Variants in ACSBG2 observed in about 807,000 individuals in gnomAD.
The protein encoded by ACSBG2 is long-chain-fatty-acid--CoA ligase ACSBG2.
In ACSBG2, 62 loss-of-function variants were observed where a neutral mutation model predicts 74.7. That is an observed-to-expected ratio of 0.83 (90% confidence interval 0.68 to 1.03). The LOEUF (loss-of-function observed/expected upper bound fraction) is 1.03, where lower values mean the gene tolerates loss of function less well. Ranked by LOEUF, ACSBG2 falls within the 50% of genes least tolerant of loss-of-function variation. The pLI is 0.00. For synonymous variants in ACSBG2, 309 were observed against 294.1 expected, an observed-to-expected ratio of 1.05 and a Z score of -0.52; for missense variants, 730 against 817.6, an observed-to-expected ratio of 0.89 and a Z score of 1.31.
In ACSBG2 at chr19:6,166,093, T is replaced by C. The variant is rs1489760550; in HGVS notation, c.738+78T>C. ...GTTGGCTTCCAGGGGCAGGGTGGCA[T>C]TCCAGGGTCTAGTACGCAGTGTGGC... On this transcript the variant is annotated intron_variant, in intron 7 of 14. Coordinates refer to ENST00000588485, the MANE Select transcript of ACSBG2 (RefSeq NM_030924.5). 4 of 1,575,298 alleles carry C rather than the reference T, an allele frequency of 2.5e-6. No individual in the cohort carries two copies. The African/African-American group carries it at 5.4e-5, about 21-fold the overall frequency.
rs2090115682 is a variant in ACSBG2 at position 6,177,374 on chromosome 19, T to G, written c.884T>G (p.Phe295Cys). 2 of 1,604,002 alleles carry G rather than the reference T, an allele frequency of 1.2e-6. No individual in the cohort carries two copies. Among genetic ancestry groups the G allele is most frequent in the East Asian group, 4.5e-5 (2 of 44,482 alleles). Residue 295 changes from phenylalanine to cysteine, a missense_variant, in exon 8 of 15, where the codon TTT becomes TGT. Coordinates refer to ENST00000588485, the MANE Select transcript of ACSBG2 (RefSeq NM_030924.5). ...ATAAAGATTGGGGCGCTCACATACT[T>G]TGCTCAAGCAGATGCTCTCAAGGTA... ...VPIKIGALTY[F>C]AQADALKGTL...
chr19:6,147,672 C>G lies in ACSBG2; in HGVS notation c.294C>G (p.Ile98Met), dbSNP rs764765337. 6.2e-7 allele frequency: 1 copy of G among 1,611,910 alleles called. No homozygotes were observed. The highest frequency in any genetic ancestry group is 1.1e-5 in the South Asian group (1 of 91,022). Residue 98 changes from isoleucine to methionine, a missense_variant, in exon 3 of 15, where the codon ATC (isoleucine) becomes ATG (methionine). Transcript: ENST00000588485. ...EACRKAAKSL[I>M]KLGLERFHGV... The stretch of plus-strand genomic sequence containing the variant: ...GTCGGAAGGCTGCAAAATCCTTGAT[C>G]AAGGTAAGATTCATTCATTCATTCT...
intron 2 of ACSBG2, 128 bp downstream of exon 2, chr19:6,141,738 C>G (rs2088844909): frequency 1.5e-6 from 1 of 667,458 alleles, no homozygotes; most frequent in Non-Finnish European, 2.6e-6. Flanking sequence ...CCCGACCCCC[C>G]ACCCTTTTGT....
At chr19:6,164,729 G>A (rs777976411) in intron 6 of ACSBG2, among the ~76,000 whole-genome samples, 3 of 152,106 alleles carry the variant, frequency 2.0e-5, no homozygotes, top group African/African-American at 7.2e-5. Flanking sequence ...GTGCCTGGCC[G>A]AGGGGCCTCC....
chr19:6,169,835 G>T (rs891498326), intron 7 of ACSBG2, among the ~76,000 whole-genome samples: 2 of 152,088 alleles, frequency 1.3e-5, no homozygotes, highest in Non-Finnish European at 2.9e-5. Context: ...TATTTTTTGT[G>T]TAGCTACTGT....
chr19:6,152,287 T>G (rs1191322936), intron 4 of ACSBG2, among the ~76,000 whole-genome samples: 1 of 66,174 alleles, frequency 1.5e-5, no homozygotes, highest in African/African-American at 4.5e-5. Context: ...TAATTTTTTT[T>G]TTTTTTTTTT....
intron 11 of ACSBG2, 51 bp from the exon 12 acceptor site, chr19:6,187,232 G>A (rs537836200): frequency 2.5e-6 from 4 of 1,609,842 alleles, no homozygotes; most frequent in African/African-American, 1.3e-5. Flanking sequence ...CTCAAACTGG[G>A]GGTTCCACGT....
chr19:6,137,220 G>A (rs1024104585), intron 1 of ACSBG2: 3 of 143,626 alleles, frequency 2.1e-5, no homozygotes, highest in African/African-American at 7.6e-5. Context: ...GGGGGGGGGG[G>A]GGGGGCTTGC....
chr19:6,191,360 A>G (rs902970567), intron 14 of ACSBG2: 8 of 152,084 alleles, frequency 5.3e-5, no homozygotes, highest in African/African-American at 1.9e-4. Context: ...GCCACCAGCC[A>G]ACCCATGTTT....
intron 7 of ACSBG2, among the ~76,000 whole-genome samples, chr19:6,173,644 T>A (rs1477748759): frequency 6.6e-6 from 1 of 152,098 alleles, no homozygotes; most frequent in Non-Finnish European, 1.5e-5. Flanking sequence ...CTCCAAGAGG[T>A]CCTGCCTCTC....
chr19:6,147,896 A>C (rs2089096711), intron 3 of ACSBG2, among the ~76,000 whole-genome samples: 1 of 152,210 alleles, frequency 6.6e-6, no homozygotes, highest in Admixed American at 6.5e-5. Flanking sequence ...TAAATTATGC[A>C]TAAATATAAA....
chr19:6,164,834 C>T (rs2089744663), intron 6 of ACSBG2, among the ~76,000 whole-genome samples: 1 of 152,180 alleles, frequency 6.6e-6, no homozygotes, highest in Non-Finnish European at 1.5e-5. Flanking sequence ...GTCGATACAA[C>T]CCAAGAGTTC....
rs1408955454 is a variant in ACSBG2 at position 6,171,538 on chromosome 19, C to T, written c.738+5523C>T. ...TTTCTTTAAGAAGGCTAAAAATGGG[C>T]CCTCAATCTCTTCTGGCTTGTGAGG... On this transcript the variant is annotated intron_variant, in intron 7 of 14. Coordinates refer to ENST00000588485, the MANE Select transcript of ACSBG2 (RefSeq NM_030924.5). 2.0e-5 allele frequency among the ~76,000 whole-genome samples: 3 copies of T among 152,068 alleles called. No homozygotes were observed. In the East Asian group the frequency reaches 5.8e-4, roughly 29 times the overall value.
intron 5 of ACSBG2, among the ~76,000 whole-genome samples, chr19:6,157,388 T>C (rs921573551): frequency 6.6e-6 from 1 of 152,162 alleles, no homozygotes; most frequent in African/African-American, 2.4e-5. Context: ...AAACTCCATC[T>C]CTACCAAAAA....
chr19:6,169,807 A>C (rs2089913765), intron 7 of ACSBG2, among the ~76,000 whole-genome samples: 3 of 152,096 alleles, frequency 2.0e-5, no homozygotes, highest in Admixed American at 2.0e-4. Flanking sequence ...CCTTGGTTAA[A>C]TGTGTCTGTG....
At chr19:6,159,579 T>A (rs915034572) in intron 5 of ACSBG2, among the ~76,000 whole-genome samples, 5 of 152,236 alleles carry the variant, frequency 3.3e-5, no homozygotes, top group African/African-American at 1.2e-4. Flanking sequence ...TTGTTCCAGT[T>A]GCTAGGTCTA....
intron 7 of ACSBG2, among the ~76,000 whole-genome samples, chr19:6,167,312 C>G (rs911204560): frequency 6.6e-6 from 1 of 152,194 alleles, no homozygotes; most frequent in Admixed American, 6.5e-5. Context: ...AACTGTGTGT[C>G]AGTTTGCCCA....
chr19:6,144,112 C>T (rs1262917186), intron 2 of ACSBG2, among the ~76,000 whole-genome samples: 2 of 152,204 alleles, frequency 1.3e-5, no homozygotes, highest in Non-Finnish European at 2.9e-5. Context: ...ATTCTCCTGC[C>T]TCAGCCTCCA....
chr19:6,154,029 C>T (rs915166651), intron 4 of ACSBG2, among the ~76,000 whole-genome samples: 1 of 151,934 alleles, frequency 6.6e-6, no homozygotes, highest in Non-Finnish European at 1.5e-5. Flanking sequence ...TCGAGACTAA[C>T]ACCACCCTAA....
Sources: gnomAD v4.1 joint callset for allele counts (sites outside exome capture counted in the v4.1 genomes callset) on GRCh38, gnomAD v4.1.1 for gene constraint, MANE v1.5 for transcripts, NCBI Gene and HGNC (gene_info 2026-07-23, HGNC 2026-07-21) for gene names.